The following TRERF1 variants were observed in gnomAD, a reference collection of about 807,000 sequenced individuals.
The protein encoded by TRERF1 is transcriptional regulating factor 1.
TRERF1 carries 27 observed loss-of-function variants against 122.9 expected under a neutral mutation model. The ratio of observed to expected loss-of-function variants is 0.22; its 90% CI spans 0.16 to 0.30. TRERF1 has a LOEUF of 0.30. Among genes scored for constraint, TRERF1 ranks in the 10% least tolerant of loss-of-function variants. TRERF1 has a pLI of 1.00. For synonymous variants in TRERF1, 636 were observed against 641.7 expected (o/e 0.99, Z 0.13); for missense variants, 1,248 against 1,560.3 (o/e 0.80, Z 3.37).
At chr6:42,237,311 A>G (rs9462788) in intron 15 of TRERF1, among the ~76,000 whole-genome samples, 4,973 of 152,200 alleles carry the variant, frequency 0.033, 291 homozygotes, top group African/African-American at 0.11. Context: ...TGGAAGGGCA[A>G]CGATCCAGGA....
rs1426653245 is a variant in TRERF1 at position 42,259,602 on chromosome 6, T to C, written c.2006A>G (p.Tyr669Cys). The stretch of plus-strand genomic sequence containing the variant: ...GTAGGAGGCAGCGGGGTTCGGGTTG[T>C]AGGAGGGCGGCGGCGGGATGAAGAG... The change falls in exon 9 of 18, where the codon TAC (tyrosine) becomes TGC (cysteine). Residue 669 changes from tyrosine (Y) to cysteine (C), a missense_variant. Around this residue, in one of 5 missense-constraint regions of TRERF1, gnomAD observed 946 missense variants for 1,073.0 expected, o/e 0.88. Coordinates refer to ENST00000372922, the Ensembl canonical transcript of TRERF1. This position sits in a 1 kb window ranked among gnomAD's most constrained non-coding sequence, Gnocchi z 4.9. 1.2e-6 allele frequency: 2 copies of C among 1,613,798 alleles called. No homozygotes were observed. The highest frequency in any genetic ancestry group is 1.7e-5 in the Admixed American group (1 of 60,014).
At chr6:42,243,400 G>T in intron 14 of TRERF1, 39 bp from the exon 15 acceptor site, 2 of 1,392,532 alleles carry the variant, frequency 1.4e-6, no homozygotes, top group Non-Finnish European at 2.0e-6. Flanking sequence ...TCCAGCAATG[G>T]GCAGAGAGCA....
chr6:42,333,361 G>A (rs1007964914), intron 3 of TRERF1, among the ~76,000 whole-genome samples: 1 of 152,222 alleles, frequency 6.6e-6, no homozygotes, highest in African/African-American at 2.4e-5. Flanking sequence ...ACTTGAAAGA[G>A]TAAGTTACAA....
chr6:42,245,157 G>A (rs562400422), intron 14 of TRERF1, among the ~76,000 whole-genome samples: 3 of 152,314 alleles, frequency 2.0e-5, no homozygotes, highest in Non-Finnish European at 2.9e-5. Context: ...ATCATCAGTC[G>A]CAAGTGTGGG....
intron 2 of TRERF1, among the ~76,000 whole-genome samples, chr6:42,446,782 C>G (rs1317220583): frequency 6.6e-6 from 1 of 152,150 alleles, no homozygotes; most frequent in Non-Finnish European, 1.5e-5. Context: ...GTGGGCGGAT[C>G]ACTTGAGGCT....
chr6:42,229,956 TAA>T (rs987812547), intron 17 of TRERF1, among the ~76,000 whole-genome samples: 2 of 152,188 alleles, frequency 1.3e-5, no homozygotes, highest in African/African-American at 4.8e-5. Flanking sequence ...GCAGTTATGA[TAA>T]AGACAGTAAA....
At chr6:42,258,757 G>A (rs1277617986) in intron 9 of TRERF1, among the ~76,000 whole-genome samples, 2 of 151,212 alleles carry the variant, frequency 1.3e-5, no homozygotes, top group African/African-American at 4.9e-5. Context: ...TTTTTGAGAC[G>A]GAGTTTCACT....
At chr6:42,277,712 G>A (rs968985725) in intron 4 of TRERF1, among the ~76,000 whole-genome samples, 8 of 151,996 alleles carry the variant, frequency 5.3e-5, no homozygotes, top group Admixed American at 1.3e-4. Context: ...GTGTAGTGGC[G>A]TGCGCCTGTA....
chr6:42,427,337 A>G (rs1309896483), intron 2 of TRERF1, among the ~76,000 whole-genome samples: 1 of 152,174 alleles, frequency 6.6e-6, no homozygotes, highest in Non-Finnish European at 1.5e-5. Flanking sequence ...AGCTCACTGC[A>G]GCCTCAAACA....
rs145900199 is a variant in TRERF1 at position 42,366,737 on chromosome 6, T to C, written c.-453-3658A>G. 3.0e-4 allele frequency among the ~76,000 whole-genome samples: 46 copies of C among 152,104 alleles called. No homozygotes were observed. The East Asian group carries it at 7.3e-3, about 24-fold the overall frequency. ...AAAAAGAATATTCTATTTTGGGAAA[T>C]GAGGAGCTGGACTGATCCACTTCGA... On this transcript the variant is annotated intron_variant, in intron 2 of 17. Transcript: ENST00000372922.
chr6:42,249,367 T>C (rs1775351651), intron 13 of TRERF1, among the ~76,000 whole-genome samples: 2 of 152,162 alleles, frequency 1.3e-5, no homozygotes, highest in Non-Finnish European at 2.9e-5. Flanking sequence ...CCAGGCTCAT[T>C]ACCTGATTTC....
chr6:42,333,426 C>T (rs1448398406), intron 3 of TRERF1, among the ~76,000 whole-genome samples: 3 of 152,164 alleles, frequency 2.0e-5, no homozygotes, highest in Admixed American at 1.3e-4. Context: ...CTTTGTTATC[C>T]AAAGGACCCG....
At chr6:42,282,600 C>A (rs564387647) in intron 4 of TRERF1, among the ~76,000 whole-genome samples, 1 of 152,072 alleles carries the variant, frequency 6.6e-6, no homozygotes, top group South Asian at 2.1e-4. Flanking sequence ...TCCAAAAGAA[C>A]AACAATGAAA....
At chr6:42,307,086 T>C (rs1456563633) in intron 3 of TRERF1, among the ~76,000 whole-genome samples, 1 of 152,226 alleles carries the variant, frequency 6.6e-6, no homozygotes, top group East Asian at 1.9e-4. Flanking sequence ...AAGAGGACCT[T>C]GGCTTATGTC....
upstream of TRERF1, chr6:42,452,193 G>A (rs949602115): frequency 7.7e-6 from 1 of 130,300 alleles, no homozygotes; most frequent in Non-Finnish European, 1.6e-5. Context: ...CAAATCGACT[G>A]TCAAATTATT....
intron 2 of TRERF1, among the ~76,000 whole-genome samples, chr6:42,450,080 G>A (rs1014987455): frequency 2.0e-5 from 3 of 152,202 alleles, no homozygotes; most frequent in African/African-American, 7.2e-5. Context: ...GAAACCAGTA[G>A]GCTGAGGACC....
chr6:42,446,114 A>G (rs1787463313), intron 2 of TRERF1, among the ~76,000 whole-genome samples: 1 of 152,170 alleles, frequency 6.6e-6, no homozygotes, highest in African/African-American at 2.4e-5. Context: ...GTGTTTCACC[A>G]TTTTGGCCAG....
intron 5 of TRERF1, 89 bp from the exon 6 acceptor site, chr6:42,265,886 G>A (rs1013172413): frequency 2.9e-6 from 4 of 1,373,760 alleles, no homozygotes; most frequent in Middle Eastern, 2.0e-4. Context: ...GGAACACCAG[G>A]TACTCTTCCA....
intron 3 of TRERF1, among the ~76,000 whole-genome samples, chr6:42,309,337 A>G (rs1303013648): frequency 2.0e-5 from 3 of 152,190 alleles, no homozygotes; most frequent in Admixed American, 2.0e-4. Flanking sequence ...AGATAAGGAG[A>G]TGGAGGCTCA....
Sources: gnomAD v4.1 joint callset for allele counts (sites outside exome capture counted in the v4.1 genomes callset) on GRCh38, gnomAD v4.1.1 for gene constraint, gnomAD v4.1.1 regional missense constraint, Gnocchi (gnomAD v3.1) non-coding constraint, MANE v1.5 for transcripts, NCBI Gene and HGNC (gene_info 2026-07-23, HGNC 2026-07-21) for gene names.